The following AFG2A variants were observed in gnomAD, a reference collection of about 807,000 sequenced individuals.
The protein encoded by AFG2A is ATPase family gene 2 protein homolog A.
chr4:123,082,604 T>C, the AFG2A span, among the ~76,000 whole-genome samples: 1 of 151,800 alleles, frequency 6.6e-6, no homozygotes, highest in Non-Finnish European at 1.5e-5. Flanking sequence ...ATAGTGTCAG[T>C]CCTGCAACTT....
chr4:123,011,353 A>G, the AFG2A span, among the ~76,000 whole-genome samples: 1 of 152,230 alleles, frequency 6.6e-6, no homozygotes, highest in Non-Finnish European at 1.5e-5. Context: ...CTAACCATCA[A>G]AGGAAATCAG....
the AFG2A span, among the ~76,000 whole-genome samples, chr4:123,136,131 A>G: frequency 6.6e-6 from 1 of 152,214 alleles, no homozygotes. Context: ...CATGCTTTGT[A>G]TGATTTTAGT....
chr4:123,297,781 G>A, the AFG2A span, among the ~76,000 whole-genome samples: 1 of 151,898 alleles, frequency 6.6e-6, no homozygotes, highest in African/African-American at 2.4e-5. Context: ...ATTGCAGCAC[G>A]CTGAACACCG....
chr4:123,290,727 A>T, the AFG2A span, among the ~76,000 whole-genome samples: 4 of 152,090 alleles, frequency 2.6e-5, no homozygotes, highest in Non-Finnish European at 5.9e-5. Context: ...ATCTCATGAG[A>T]CTCATTCACT....
the AFG2A span, among the ~76,000 whole-genome samples, chr4:123,004,329 C>G: frequency 3.3e-5 from 5 of 152,236 alleles, no homozygotes; most frequent in Non-Finnish European, 5.9e-5. Context: ...CCTGCGCCCA[C>G]TGTCTGGCAC....
chr4:122,972,263 A>G, the AFG2A span, among the ~76,000 whole-genome samples: 1 of 151,910 alleles, frequency 6.6e-6, no homozygotes, highest in Non-Finnish European at 1.5e-5. Context: ...AAACTTGTTC[A>G]TTTTATCTAC....
the AFG2A span, chr4:122,923,129 G>A: frequency 6.2e-7 from 1 of 1,614,110 alleles, no homozygotes; most frequent in Non-Finnish European, 8.5e-7. Context: ...CTTCGGCTAG[G>A]GTACCTTGTG....
At chr4:122,945,552 C>G in the AFG2A span, among the ~76,000 whole-genome samples, 3 of 152,216 alleles carry the variant, frequency 2.0e-5, no homozygotes, top group African/African-American at 7.2e-5. Flanking sequence ...TCTGTCACCC[C>G]TTTCCTTGAC....
At chr4:122,987,474 T>G in the AFG2A span, among the ~76,000 whole-genome samples, 1 of 152,176 alleles carries the variant, frequency 6.6e-6, no homozygotes, top group African/African-American at 2.4e-5. Flanking sequence ...GTTTTCTGTT[T>G]TGTAGTACCT....
the AFG2A span, among the ~76,000 whole-genome samples, chr4:123,093,488 C>A: frequency 6.6e-6 from 1 of 152,158 alleles, no homozygotes; most frequent in Non-Finnish European, 1.5e-5. Context: ...AGCTAGAGAT[C>A]GCTTTTGTTG....
chr4:123,041,323 G>A, the AFG2A span, among the ~76,000 whole-genome samples: 3 of 129,196 alleles, frequency 2.3e-5, no homozygotes, highest in Non-Finnish European at 3.2e-5. Context: ...GGGTTTCACC[G>A]TGTTAGCCAG....
the AFG2A span, among the ~76,000 whole-genome samples, chr4:122,979,737 T>C: frequency 6.6e-6 from 1 of 152,042 alleles, no homozygotes; most frequent in African/African-American, 2.4e-5. Flanking sequence ...ACCCCATCTC[T>C]ACAAAAAGTA....
chr4:123,083,042 C>G, the AFG2A span, among the ~76,000 whole-genome samples: 1 of 152,064 alleles, frequency 6.6e-6, no homozygotes, highest in Admixed American at 6.6e-5. Context: ...TTATTAGATT[C>G]AGGAGTGGTT....
chr4:123,239,305 A>G, the AFG2A span, among the ~76,000 whole-genome samples: 3 of 152,184 alleles, frequency 2.0e-5, no homozygotes, highest in African/African-American at 7.2e-5. Flanking sequence ...AGGCAGGCCA[A>G]CATTCAAATT....
chr4:123,071,029 CAGAA>C, the AFG2A span, among the ~76,000 whole-genome samples: 1 of 152,288 alleles, frequency 6.6e-6, no homozygotes, highest in Admixed American at 6.5e-5. Context: ...AGTTGGCTGT[CAGAA>C]AGTAAGTTTG....
the AFG2A span, among the ~76,000 whole-genome samples, chr4:123,134,542 G>A: frequency 6.1e-5 from 9 of 147,758 alleles, no homozygotes; most frequent in Non-Finnish European, 1.3e-4. Flanking sequence ...GTTCTTTTTG[G>A]TCAAGATTAT....
At chr4:123,114,592 A>G in the AFG2A span, among the ~76,000 whole-genome samples, 1 of 152,350 alleles carries the variant, frequency 6.6e-6, no homozygotes, top group South Asian at 2.1e-4. Context: ...CAATGGGAGC[A>G]GATACCCCTG....
chr4:123,051,874 TC>T, the AFG2A span, among the ~76,000 whole-genome samples: 1 of 152,140 alleles, frequency 6.6e-6, no homozygotes, highest in Non-Finnish European at 1.5e-5. Context: ...GGATCCTTTA[TC>T]TTTGATCTGT....
chr4:123,220,947 T>A, the AFG2A span, among the ~76,000 whole-genome samples: 1 of 152,174 alleles, frequency 6.6e-6, no homozygotes, highest in Non-Finnish European at 1.5e-5. Flanking sequence ...TAGGACATTT[T>A]AAAAAACCTA....
Sources: allele counts gnomAD v4.1 joint callset (sites outside exome capture counted in the v4.1 genomes callset), GRCh38; gene constraint gnomAD v4.1.1; transcripts MANE v1.5; gene names NCBI Gene and HGNC (gene_info 2026-07-23, HGNC 2026-07-21).